Variants in NPAS3 observed in about 807,000 individuals in gnomAD.
NPAS3 encodes the protein neuronal PAS domain-containing protein 3.
In NPAS3, 14 loss-of-function variants were observed where a neutral mutation model predicts 73.1. The observed-to-expected ratio is 0.19, with a 90% CI of 0.13 to 0.30. The LOEUF is 0.30. Among genes scored for constraint, NPAS3 ranks in the 10% least tolerant of loss-of-function variants. The pLI, the probability that NPAS3 is intolerant of heterozygous loss-of-function variation, is 1.00. For missense variants in NPAS3, 1,096 were observed against 1,250.0 expected (o/e 0.88, Z 1.86); for synonymous variants, 620 against 541.5 (o/e 1.14, Z -2.01).
intron 2 of NPAS3, among the ~76,000 whole-genome samples, chr14:33,135,329 T>C (rs1045156450): frequency 2.0e-5 from 3 of 152,114 alleles, no homozygotes; most frequent in African/African-American, 7.2e-5. Flanking sequence ...GGATTCAGAG[T>C]GGATTTCCTG....
At chr14:33,155,550 T>C (rs1271554536) in intron 2 of NPAS3, among the ~76,000 whole-genome samples, 1 of 152,174 alleles carries the variant, frequency 6.6e-6, no homozygotes. Context: ...GCCACTATGC[T>C]TGGCTTTCTT....
intron 1 of NPAS3, among the ~76,000 whole-genome samples, chr14:32,975,308 G>T (rs2748830): frequency 0.067 from 6,934 of 103,884 alleles, 363 homozygotes; most frequent in African/African-American, 0.18. Flanking sequence ...CTCCCTCCCT[G>T]CCTCCGTCAC....
chr14:33,038,210 A>G (rs944261408), intron 1 of NPAS3, among the ~76,000 whole-genome samples: 1 of 152,226 alleles, frequency 6.6e-6, no homozygotes, highest in African/African-American at 2.4e-5. Flanking sequence ...ATCAAGATGT[A>G]TGCTTTAATT....
At chr14:33,257,613 T>C (rs973057160) in intron 3 of NPAS3, among the ~76,000 whole-genome samples, 2 of 152,182 alleles carry the variant, frequency 1.3e-5, no homozygotes, top group African/African-American at 4.8e-5. Context: ...TAGGAGTAGA[T>C]CACTTTTGAA....
At chr14:33,315,732 T>G (rs1399729596) in intron 3 of NPAS3, among the ~76,000 whole-genome samples, 2 of 151,900 alleles carry the variant, frequency 1.3e-5, no homozygotes, top group African/African-American at 4.8e-5. Flanking sequence ...AGAGGAAGAT[T>G]CATCAGTGGG....
In NPAS3 at chr14:33,636,808, C is replaced by T. The variant is rs139724864; in HGVS notation, c.559-39403C>T. 4.7e-3 allele frequency among the ~76,000 whole-genome samples: 713 copies of T among 152,154 alleles called. 4 individuals are homozygous for T. Among genetic ancestry groups the T allele is most frequent in the Non-Finnish European group, 8.3e-3 (564 of 68,014 alleles). ...TTCAAAATGAGACACAACTATTAAA[C>T]ACTAAAAATGAAAATCTTGTTGTCA... On this transcript the variant is annotated intron_variant, in intron 5 of 11. Coordinates refer to ENST00000356141, the Ensembl canonical transcript of NPAS3.
At chr14:33,435,307 A>T (rs1168476918) in intron 4 of NPAS3, among the ~76,000 whole-genome samples, 1 of 152,198 alleles carries the variant, frequency 6.6e-6, no homozygotes, top group Non-Finnish European at 1.5e-5. Flanking sequence ...CTAGCCTTAA[A>T]TTGAATATTT....
intron 4 of NPAS3, among the ~76,000 whole-genome samples, chr14:33,404,079 A>G (rs1409757969): frequency 6.6e-6 from 1 of 152,138 alleles, no homozygotes; most frequent in African/African-American, 2.4e-5. Context: ...ATGGAGACCA[A>G]GGGAAATAGT....
intron 5 of NPAS3, among the ~76,000 whole-genome samples, chr14:33,617,996 G>T (rs568989110): frequency 5.3e-5 from 8 of 152,324 alleles, no homozygotes; most frequent in African/African-American, 1.7e-4. Context: ...ACTCGGAAGT[G>T]CATGAGACAC....
At position 33,216,126 on chromosome 14, in the gene NPAS3, A is replaced by G. The variant is rs191440356; in HGVS notation, c.385+700A>G. ...TATGCATGGATATATTTATTTATGT[A>G]TATGTGGTGTTGGCCATTGGTTTTC... On this transcript the variant is annotated intron_variant, in intron 3 of 11. Coordinates refer to ENST00000356141, the Ensembl canonical transcript of NPAS3. Among the ~76,000 whole-genome samples the G allele has an allele frequency of 3.1e-3, 468 of 152,166 alleles. 3 individuals carry two copies. Among genetic ancestry groups the G allele is most frequent in the Non-Finnish European group, 4.8e-3 (323 of 67,998 alleles).
chr14:33,131,142 T>A (rs7144766), intron 2 of NPAS3, among the ~76,000 whole-genome samples: 2 of 152,078 alleles, frequency 1.3e-5, no homozygotes, highest in Non-Finnish European at 2.9e-5. Context: ...CTGTGGGAGT[T>A]TACAGAGTAA....
At chr14:33,801,591 TA>T (rs967937389), downstream of NPAS3, 2 of 153,608 alleles carry the variant, frequency 1.3e-5, no homozygotes, top group East Asian at 3.8e-4. Context: ...CTAATTCCTT[TA>T]AAAAATAGGG....
chr14:33,761,525 G>C (rs888282745), intron 7 of NPAS3, among the ~76,000 whole-genome samples: 1 of 151,762 alleles, frequency 6.6e-6, no homozygotes, highest in African/African-American at 2.4e-5. Flanking sequence ...AAAAAAAAGA[G>C]TATAGCACAT....
chr14:33,705,803 T>C (rs1443964411), intron 6 of NPAS3, among the ~76,000 whole-genome samples: 4 of 152,244 alleles, frequency 2.6e-5, no homozygotes, highest in African/African-American at 9.6e-5. Flanking sequence ...AGAACAATTT[T>C]ACAGGGCTTG....
intron 6 of NPAS3, among the ~76,000 whole-genome samples, chr14:33,716,685 C>T (rs2060965679): frequency 6.6e-6 from 1 of 152,004 alleles, no homozygotes; most frequent in African/African-American, 2.4e-5. Context: ...TATGAGTTTG[C>T]CTGTTCTAGA....
intron 1 of NPAS3, among the ~76,000 whole-genome samples, chr14:32,944,689 G>A (rs548998550): frequency 6.6e-6 from 1 of 152,294 alleles, no homozygotes; most frequent in East Asian, 1.9e-4. Context: ...AGAAGAATGT[G>A]TAGTAATATT....
At chr14:33,785,114 TA>T (rs1199110202) in intron 9 of NPAS3, among the ~76,000 whole-genome samples, 1 of 151,728 alleles carries the variant, frequency 6.6e-6, no homozygotes, top group Non-Finnish European at 1.5e-5. Context: ...ATTGCTCTTA[TA>T]AGGCACGATC....
chr14:33,774,222 A>G, intron 7 of NPAS3, 115 bp from the exon 8 acceptor site: 2 of 734,634 alleles, frequency 2.7e-6, no homozygotes, highest in South Asian at 3.8e-5. Context: ...ATGATTACAG[A>G]AGATACAAGC....
chr14:33,131,635 A>G (rs984200684), intron 2 of NPAS3, among the ~76,000 whole-genome samples: 2 of 152,176 alleles, frequency 1.3e-5, no homozygotes, highest in African/African-American at 4.8e-5. Context: ...GTAATTATAG[A>G]AAATACGGCA....
Sources: gnomAD v4.1 joint callset for allele counts (sites outside exome capture counted in the v4.1 genomes callset) on GRCh38, gnomAD v4.1.1 for gene constraint, MANE v1.5 for transcripts, NCBI Gene and HGNC (gene_info 2026-07-23, HGNC 2026-07-21) for gene names.